USP9X: variants seen among roughly 807,000 people sequenced by gnomAD.
USP9X encodes the protein ubiquitin specific peptidase 9 X-linked, also known as ubiquitin carboxyl-terminal hydrolase 9X.
In USP9X, 7 loss-of-function variants were observed where a neutral mutation model predicts 190.3. That is an observed-to-expected ratio of 0.04 (90% confidence interval 0.02 to 0.07). The LOEUF (loss-of-function observed/expected upper bound fraction) is 0.07. Among genes scored for constraint, USP9X ranks in the 10% least tolerant of loss-of-function variants. The pLI, the probability that USP9X is intolerant of heterozygous loss-of-function variation, is 1.00. For missense variants in USP9X, 1,010 were observed against 1,916.9 expected, an observed-to-expected ratio of 0.53 and a Z score of 8.83; for synonymous variants, 645 against 659.5, an observed-to-expected ratio of 0.98 and a Z score of 0.34.
At chrX:41,126,600 C>G (rs2146999210) in intron 2 of USP9X, among the ~76,000 whole-genome samples, 1 of 111,793 alleles carries the variant, frequency 8.9e-6, no homozygotes, top group South Asian at 3.7e-4. Flanking sequence ...GATATTCAAC[C>G]TAATATTCTA....
rs145997380 is a variant in USP9X at position 41,131,284 on chromosome X, G to T, written c.243-173G>T. Among the ~76,000 whole-genome samples, 7,127 of 110,880 alleles carry T rather than the reference G, an allele frequency of 0.064. 289 individuals carry two copies. The highest frequency in any genetic ancestry group is 0.17 in the Admixed American group (1,808 of 10,356). On this transcript the variant is annotated intron_variant, in intron 3 of 44. Transcript: ENST00000378308. ...TAAAAATTTGTAGAGACATCAGGTG[G>T]TGCTTAGTCCCACAAAGCAGATAAT...
chrX:41,144,659 T>G, intron 11 of USP9X, 33 bp downstream of exon 11: 1 of 1,042,380 alleles, frequency 9.6e-7, no homozygotes, highest in Non-Finnish European at 1.3e-6. Flanking sequence ...ATTACCATTC[T>G]ATTTCAAATA....
At position 41,168,216 on chromosome X, in the gene USP9X, G is replaced by C. The variant is rs776358393; in HGVS notation, c.2634G>C (p.Ser878=). The C allele has an allele frequency of 3.4e-6, 4 of 1,184,379 alleles. No homozygotes were observed. The Admixed American group carries it at 9.0e-5, about 27-fold the overall frequency. ...AGGAAAGAACAATTCTCCCTATGTC[G>C]AGGTTTGTGAATAACTAATCTATTG... The part of the protein sequence containing the change: ...YHEERTILPM[S]RAFRGKHLSF... Residue 878 remains serine (S), a splice_region_variant and synonymous_variant, in exon 18 of 45, where the codon TCG becomes TCC. Transcript: ENST00000378308.
At chrX:41,098,721 A>T (rs1393140170) in intron 1 of USP9X, among the ~76,000 whole-genome samples, 2 of 106,239 alleles carry the variant, frequency 1.9e-5, no homozygotes, top group African/African-American at 6.9e-5. Flanking sequence ...ACACCCGGCT[A>T]ATTTTTGTGT....
intron 4 of USP9X, among the ~76,000 whole-genome samples, chrX:41,132,520 T>C (rs2062331098): frequency 9.0e-6 from 1 of 110,703 alleles, no homozygotes; most frequent in South Asian, 3.7e-4. Context: ...GCCAGGCTAG[T>C]CTCGAACTCC....
intron 15 of USP9X, among the ~76,000 whole-genome samples, chrX:41,164,747 A>G (rs1190037578): frequency 8.9e-6 from 1 of 112,201 alleles, no homozygotes; most frequent in Non-Finnish European, 1.9e-5. Flanking sequence ...CTTGTTTGAA[A>G]TATCACAGCC....
At chrX:41,158,659 C>T (rs1253475024) in intron 14 of USP9X, among the ~76,000 whole-genome samples, 1 of 110,942 alleles carries the variant, frequency 9.0e-6, no homozygotes, top group Non-Finnish European at 1.9e-5. Flanking sequence ...TACTTGAATA[C>T]TATAAACCAG....
intron 32 of USP9X, among the ~76,000 whole-genome samples, chrX:41,209,752 A>G (rs111664153): frequency 1.6e-4 from 18 of 112,465 alleles, no homozygotes; most frequent in Non-Finnish European, 3.0e-4. Flanking sequence ...AATATAATAG[A>G]GATCAGATTA....
chrX:41,102,781 G>A (rs1482899705), intron 1 of USP9X, among the ~76,000 whole-genome samples: 1 of 99,616 alleles, frequency 1.0e-5, no homozygotes, highest in Non-Finnish European at 2.0e-5. Flanking sequence ...GCTGTTAACA[G>A]ATAACTTTGA....
intron 5 of USP9X, among the ~76,000 whole-genome samples, chrX:41,135,775 C>T (rs897517948): frequency 6.3e-5 from 7 of 110,737 alleles, no homozygotes; most frequent in Admixed American, 1.9e-4. Context: ...GGACTACAGG[C>T]GTGCGCCACC....
intron 14 of USP9X, among the ~76,000 whole-genome samples, chrX:41,156,869 G>A (rs967404601): frequency 9.0e-6 from 1 of 111,584 alleles, no homozygotes; most frequent in South Asian, 3.8e-4. Context: ...GAGAGTGCTT[G>A]TGGCTCCCTT....
At chrX:41,193,548 A>T (rs1186933857) in intron 26 of USP9X, among the ~76,000 whole-genome samples, 1 of 111,112 alleles carries the variant, frequency 9.0e-6, no homozygotes, top group African/African-American at 3.3e-5. Context: ...CTGTAGTCCC[A>T]ACTACTCAGG....
In USP9X at chrX:41,230,583, C is replaced by G. The variant is rs763143276; in HGVS notation, c.7514C>G (p.Ser2505Cys). 30 of 1,208,824 alleles carry G rather than the reference C, an allele frequency of 2.5e-5. No homozygotes were observed. The highest frequency in any genetic ancestry group is 3.2e-5 in the Non-Finnish European group (29 of 893,324). The change falls in exon 44 of 45, where the codon TCT becomes TGT. Residue 2505 changes from serine to cysteine, a missense_variant. Ser to Cys is a moderately radical substitution (Grantham distance 112). Around this residue, in one of 11 missense-constraint regions of USP9X, gnomAD observed 48 missense variants for 60.4 expected, o/e 0.79. Coordinates refer to ENST00000378308, the MANE Select transcript of USP9X (RefSeq NM_001039591.3). ...DAPLYPHSPG[S>C]QYQQNNHVHG... is the part of the protein sequence containing the mutation. ...CCATTGTACCCCCATTCACCTGGAT[C>G]TCAGTATCAACAGGTAAACAGGAGT...
At chrX:41,188,695 C>T (rs2062904670) in intron 25 of USP9X, among the ~76,000 whole-genome samples, 1 of 111,883 alleles carries the variant, frequency 8.9e-6, no homozygotes, top group African/African-American at 3.3e-5. Flanking sequence ...TGGCCAACAT[C>T]ACCCTGATTT....
rs763189090 is a variant in USP9X at position 41,148,700 on chromosome X, T to C, written c.1626+125T>C. 19 of 657,670 alleles carry C rather than the reference T, an allele frequency of 2.9e-5. No individual in the cohort carries two copies. In the East Asian group the frequency reaches 6.7e-4, roughly 23 times the overall value. 54.2% of individuals were successfully genotyped at this position (657,670 alleles called of 1,213,427 possible). The stretch of plus-strand genomic sequence containing the variant: ...TAAATGATCTTCCGGAGTTGACTTT[T>C]TTTGTTCATTAGTCTGCTTTCCTTA... On this transcript the variant is annotated intron_variant, in intron 12 of 44. Coordinates refer to ENST00000378308, the MANE Select transcript of USP9X (RefSeq NM_001039591.3).
chrX:41,149,710 C>CT (rs11445571), intron 12 of USP9X, among the ~76,000 whole-genome samples: 23,744 of 103,657 alleles, frequency 0.23, 2,352 homozygotes, highest in African/African-American at 0.33. Context: ...TGAATAATTA[C>CT]TTTTTTTTTT....
intron 26 of USP9X, among the ~76,000 whole-genome samples, chrX:41,195,683 G>A (rs1435714778): frequency 9.0e-6 from 1 of 111,721 alleles, no homozygotes; most frequent in Non-Finnish European, 1.9e-5. Flanking sequence ...GGGCACATAA[G>A]CTAGAACCCT....
chrX:41,122,885 C>G (rs1039071814), intron 1 of USP9X, among the ~76,000 whole-genome samples: 3 of 110,929 alleles, frequency 2.7e-5, no homozygotes, highest in Non-Finnish European at 5.7e-5. Context: ...TCCAACGGCC[C>G]CCAGCTTGAA....
rs761243269 is a variant in USP9X at position 41,210,681 on chromosome X, A to G, written c.5188A>G (p.Arg1730Gly). Residue 1730 changes from arginine (R) to glycine (G), a missense_variant and splice_region_variant, in exon 33 of 45, where the codon AGG becomes GGG. Physicochemically the swap from Arg to Gly is moderately radical, Grantham distance 125. Transcript: ENST00000378308. ...GAAGATCTGCCAAGGCTGCCCACAT[A>G]GGTAAGTACTAATTACACATTGAAA... is the stretch of plus-strand genomic sequence containing the variant. ...DQKICQGCPHRYECEESFTTL... is the reference protein window; with the variant it reads ...DQKICQGCPHGYECEESFTTL... 2 of 1,209,358 alleles carry G rather than the reference A, an allele frequency of 1.7e-6. No individual in the cohort carries two copies. The highest frequency in any genetic ancestry group is 2.2e-6 in the Non-Finnish European group (2 of 894,852).
Sources: allele counts gnomAD v4.1 joint callset (sites outside exome capture counted in the v4.1 genomes callset), GRCh38; gene constraint gnomAD v4.1.1; regional missense constraint gnomAD v4.1.1; transcripts MANE v1.5; gene names NCBI Gene and HGNC (gene_info 2026-07-23, HGNC 2026-07-21).